RAB27B: variants seen among roughly 807,000 people sequenced by gnomAD.
RAB27B encodes ras-related protein Rab-27B.
Under a neutral mutation model 24.6 loss-of-function variants are expected in RAB27B, and 15 were observed. That is an observed-to-expected ratio of 0.61 (90% confidence interval 0.41 to 0.94). RAB27B has a LOEUF of 0.94. RAB27B is among the 40% of genes least tolerant of loss of function. The pLI, the probability that RAB27B is intolerant of heterozygous loss-of-function variation, is 0.00. For synonymous variants in RAB27B, 105 were observed against 92.5 expected, an observed-to-expected ratio of 1.14 and a Z score of -0.78; for missense variants, 261 against 266.8, an observed-to-expected ratio of 0.98 and a Z score of 0.15.
At chr18:54,856,919 CTCTT>C (rs1911806911) in intron 1 of RAB27B, among the ~76,000 whole-genome samples, 1 of 152,202 alleles carries the variant, frequency 6.6e-6, no homozygotes, top group Non-Finnish European at 1.5e-5. Context: ...AAAACCCACA[CTCTT>C]TCTTTAATTT....
intron 1 of RAB27B, among the ~76,000 whole-genome samples, chr18:54,875,012 T>C (rs1912636497): frequency 6.6e-6 from 1 of 152,108 alleles, no homozygotes; most frequent in Non-Finnish European, 1.5e-5. Context: ...ACATATTCAA[T>C]GATACAGTCC....
intron 1 of RAB27B, among the ~76,000 whole-genome samples, chr18:54,836,152 T>C (rs1490604102): frequency 6.6e-6 from 1 of 151,994 alleles, no homozygotes; most frequent in East Asian, 1.9e-4. Context: ...CTGTTTCCTG[T>C]GCAAGCTCTG....
intron 2 of RAB27B, among the ~76,000 whole-genome samples, chr18:54,789,792 T>G (rs1909193754): frequency 6.6e-6 from 1 of 152,146 alleles, no homozygotes; most frequent in African/African-American, 2.4e-5. Flanking sequence ...CTATTTCATT[T>G]TTGAAATTAA....
chr18:54,876,963 A>G (rs1912728191), intron 1 of RAB27B, among the ~76,000 whole-genome samples: 1 of 152,046 alleles, frequency 6.6e-6, no homozygotes, highest in Non-Finnish European at 1.5e-5. Flanking sequence ...GCTGTGTTAT[A>G]TGGTTTGGCT....
At chr18:54,827,358 C>T (rs187232794), upstream of RAB27B, among the ~76,000 whole-genome samples, 315 of 152,322 alleles carry the variant, frequency 2.1e-3, 2 homozygotes, top group Middle Eastern at 0.017. Flanking sequence ...ACTATGAAGA[C>T]ATTATTATTA....
At chr18:54,814,485 A>T (rs192856264) in intron 2 of RAB27B, among the ~76,000 whole-genome samples, 25 of 152,280 alleles carry the variant, frequency 1.6e-4, no homozygotes, top group Middle Eastern at 3.4e-3. Flanking sequence ...AAAACATTTT[A>T]AAAAAATTAA....
At chr18:54,845,521 A>C (rs1255999168) in intron 1 of RAB27B, among the ~76,000 whole-genome samples, 1 of 151,916 alleles carries the variant, frequency 6.6e-6, no homozygotes, top group African/African-American at 2.4e-5. Flanking sequence ...AAAAAAAAAG[A>C]AAATTGTGAA....
chr18:54,870,492 A>G (rs1454152171), intron 1 of RAB27B, among the ~76,000 whole-genome samples: 2 of 152,200 alleles, frequency 1.3e-5, no homozygotes, highest in African/African-American at 4.8e-5. Flanking sequence ...TTAATTTTAT[A>G]ATAGAGGTAT....
At chr18:54,774,926 G>A (rs1215501702) in intron 2 of RAB27B, among the ~76,000 whole-genome samples, 1 of 152,184 alleles carries the variant, frequency 6.6e-6, no homozygotes, top group Non-Finnish European at 1.5e-5. Context: ...CCTGAGCCCT[G>A]AGCCTAGAAC....
intron 1 of RAB27B, among the ~76,000 whole-genome samples, chr18:54,872,625 TAAAAAAA>T (rs67765103): frequency 7.3e-6 from 1 of 137,578 alleles, no homozygotes; most frequent in African/African-American, 2.7e-5. Context: ...AACTCTGCCT[TAAAAAAA>T]AAAAAAAAGA....
intron 1 of RAB27B, among the ~76,000 whole-genome samples, chr18:54,876,519 C>T (rs1912709746): frequency 6.6e-6 from 1 of 152,028 alleles, no homozygotes; most frequent in African/African-American, 2.4e-5. Flanking sequence ...TATGACAAAC[C>T]CATTTCAATT....
chr18:54,840,411 T>C (rs1598948190), intron 1 of RAB27B, among the ~76,000 whole-genome samples: 1 of 152,176 alleles, frequency 6.6e-6, no homozygotes, highest in East Asian at 1.9e-4. Flanking sequence ...TATATTTGCT[T>C]GTTTACATGT....
chr18:54,746,886 A>C (rs891138404), intron 2 of RAB27B, among the ~76,000 whole-genome samples: 6 of 152,348 alleles, frequency 3.9e-5, no homozygotes, highest in African/African-American at 9.6e-5. Context: ...TTTGGCCTCA[A>C]GTAACATACT....
chr18:54,728,356 T>A (rs1315828432), intron 2 of RAB27B, among the ~76,000 whole-genome samples: 4 of 152,142 alleles, frequency 2.6e-5, no homozygotes, highest in Non-Finnish European at 5.9e-5. Context: ...AAGTTTTTGT[T>A]ATCTTTTACT....
chr18:54,730,685 G>T (rs562844279), intron 2 of RAB27B, among the ~76,000 whole-genome samples: 3 of 151,958 alleles, frequency 2.0e-5, no homozygotes, highest in African/African-American at 7.2e-5. Context: ...TCACTCTCTC[G>T]CTCCCTCTCT....
chr18:54,845,562 ACCTTGTTTTT>A (rs1397282107), intron 1 of RAB27B, among the ~76,000 whole-genome samples: 1 of 151,406 alleles, frequency 6.6e-6, no homozygotes, highest in Non-Finnish European at 1.5e-5. Context: ...TTTTAGCCTC[ACCTTGTTTTT>A]CCTAGTCTGT....
intron 2 of RAB27B, among the ~76,000 whole-genome samples, chr18:54,754,431 A>G (rs901342099): frequency 2.0e-5 from 3 of 152,194 alleles, no homozygotes; most frequent in Admixed American, 2.0e-4. Context: ...CTATATGAAT[A>G]TAAGTTGTTA....
At chr18:54,840,554 C>A (rs1911067434) in intron 1 of RAB27B, among the ~76,000 whole-genome samples, 1 of 152,144 alleles carries the variant, frequency 6.6e-6, no homozygotes. Context: ...AGTGCTATGA[C>A]CTGGAATTTC....
intron 2 of RAB27B, among the ~76,000 whole-genome samples, chr18:54,804,901 TC>T (rs1909730276): frequency 1.3e-5 from 1 of 77,710 alleles, no homozygotes. Flanking sequence ...TCTCTTTCTC[TC>T]TCTCTTTCTT....
Sources: gnomAD v4.1 joint callset for allele counts (sites outside exome capture counted in the v4.1 genomes callset) on GRCh38, gnomAD v4.1.1 for gene constraint, MANE v1.5 for transcripts, NCBI Gene and HGNC (gene_info 2026-07-23, HGNC 2026-07-21) for gene names.